THSD4: variants seen among roughly 807,000 people sequenced by gnomAD.
The protein encoded by THSD4 is thrombospondin type-1 domain-containing protein 4.
Under a neutral mutation model 119.0 loss-of-function variants are expected in THSD4, and 69 were observed. The observed-to-expected ratio is 0.58, with a 90% CI of 0.48 to 0.71. THSD4 has a LOEUF of 0.71. Ranked by LOEUF, THSD4 falls within the 30% of genes least tolerant of loss-of-function variation. The pLI, the probability that THSD4 is intolerant of heterozygous loss-of-function variation, is 0.00. For synonymous variants in THSD4, 524 were observed against 540.4 expected, an observed-to-expected ratio of 0.97 and a Z score of 0.42; for missense variants, 1,393 against 1,391.1, an observed-to-expected ratio of 1.00 and a Z score of -0.02.
At chr15:71,267,405 C>G (rs1261915443) in intron 6 of THSD4, among the ~76,000 whole-genome samples, 1 of 151,386 alleles carries the variant, frequency 6.6e-6, no homozygotes, top group Non-Finnish European at 1.5e-5. Context: ...TACAGACAAG[C>G]AAATGCTGAG....
At chr15:71,709,756 C>T (rs2052470976) in intron 8 of THSD4, among the ~76,000 whole-genome samples, 1 of 152,182 alleles carries the variant, frequency 6.6e-6, no homozygotes, top group South Asian at 2.1e-4. Flanking sequence ...GGTTCCCAAA[C>T]TTTGCTACAA....
chr15:71,225,461 T>C (rs558819088), intron 4 of THSD4, among the ~76,000 whole-genome samples: 150 of 152,174 alleles, frequency 9.9e-4, no homozygotes, highest in African/African-American at 3.4e-3. Flanking sequence ...TAAATGTTCC[T>C]GTCATCTTTT....
intron 7 of THSD4, among the ~76,000 whole-genome samples, chr15:71,451,371 C>T (rs1303711590): frequency 2.0e-5 from 3 of 152,202 alleles, no homozygotes; most frequent in Non-Finnish European, 4.4e-5. Flanking sequence ...AGCTCCACTC[C>T]TGTGATCCCA....
chr15:71,556,760 G>A (rs1299787573), intron 7 of THSD4, among the ~76,000 whole-genome samples: 1 of 107,600 alleles, frequency 9.3e-6, no homozygotes, highest in African/African-American at 2.8e-5. Context: ...GTAAGACCCT[G>A]TCTTAAAAAA....
At chr15:71,547,547 C>T in intron 7 of THSD4, 1 of 1,524,596 alleles carries the variant, frequency 6.6e-7, no homozygotes, top group Non-Finnish European at 8.8e-7. Context: ...CCTCTTCTAT[C>T]TACCAAGAGG....
chr15:71,302,157 T>C (rs1475856574), intron 6 of THSD4, among the ~76,000 whole-genome samples: 1 of 152,206 alleles, frequency 6.6e-6, no homozygotes, highest in Non-Finnish European at 1.5e-5. Context: ...GTGAGTCTCC[T>C]TTCCCTGGCA....
chr15:71,601,402 T>C (rs868056473), intron 7 of THSD4, among the ~76,000 whole-genome samples: 7 of 152,190 alleles, frequency 4.6e-5, no homozygotes, highest in African/African-American at 1.4e-4. Context: ...GGTTGCTCCC[T>C]TATGGCCTCC....
At position 71,423,392 on chromosome 15, in the gene THSD4, CTCTT is replaced by C. The variant is rs141352375; in HGVS notation, c.1152+11571_1152+11574del. ...CTGCTGATTATTCAGGGCCCAAAGG[CTCTT>C]TAGTCAGCAGGTGATGAATCCTGCC... On this transcript the variant is annotated intron_variant, in intron 7 of 17. Coordinates refer to ENST00000261862, the MANE Select transcript of THSD4 (RefSeq NM_024817.3). Among the ~76,000 whole-genome samples the C allele has an allele frequency of 2.7e-3, 418 of 152,118 alleles. 2 individuals are homozygous for C. Among genetic ancestry groups the C allele is most frequent in the Non-Finnish European group, 5.2e-3 (354 of 67,986 alleles).
intron 3 of THSD4, among the ~76,000 whole-genome samples, chr15:71,192,752 T>C (rs1300762651): frequency 6.6e-6 from 1 of 152,108 alleles, no homozygotes; most frequent in Non-Finnish European, 1.5e-5. Context: ...AGTTGACTTA[T>C]TTTGACTTCA....
chr15:71,190,830 G>A (rs1184978686), intron 3 of THSD4, among the ~76,000 whole-genome samples: 4 of 152,252 alleles, frequency 2.6e-5, no homozygotes, highest in African/African-American at 9.6e-5. Context: ...TTGGAATGCA[G>A]AAGGTCCCAT....
intron 7 of THSD4, among the ~76,000 whole-genome samples, chr15:71,596,666 A>G (rs2049912485): frequency 6.6e-6 from 1 of 152,208 alleles, no homozygotes; most frequent in African/African-American, 2.4e-5. Flanking sequence ...CCTAAAGACA[A>G]AAATCTTTAG....
chr15:71,724,287 A>G (rs76981974), intron 8 of THSD4, among the ~76,000 whole-genome samples: 2 of 37,292 alleles, frequency 5.4e-5, no homozygotes, highest in African/African-American at 1.3e-4. Context: ...ATATATATAT[A>G]TTTTTTTTTT....
chr15:71,725,631 C>T lies in THSD4; in HGVS notation c.1358-2918C>T, dbSNP rs79588356. Among the ~76,000 whole-genome samples the T allele has an allele frequency of 4.4e-4, 67 of 151,944 alleles. No homozygotes were observed. In the East Asian group the frequency reaches 0.012, roughly 27 times the overall value. ...AGGATGGAATAGTGCCAAGTGCTGCCGAGACATCTGAAAAGAGGAGGCCTG... is the reference window on the plus strand; with the variant it reads ...AGGATGGAATAGTGCCAAGTGCTGCTGAGACATCTGAAAAGAGGAGGCCTG... On this transcript the variant is annotated intron_variant, in intron 8 of 17. Coordinates refer to ENST00000261862, the MANE Select transcript of THSD4 (RefSeq NM_024817.3).
At chr15:71,747,154 C>A in intron 13 of THSD4, 112 bp downstream of exon 13, 1 of 1,266,892 alleles carries the variant, frequency 7.9e-7, no homozygotes, top group Non-Finnish European at 1.1e-6. Flanking sequence ...CAGGAGGGAA[C>A]CCGTCCCGTG....
At chr15:71,297,720 C>T (rs1460630548) in intron 6 of THSD4, among the ~76,000 whole-genome samples, 1 of 152,136 alleles carries the variant, frequency 6.6e-6, no homozygotes, top group Non-Finnish European at 1.5e-5. Flanking sequence ...GCAATCCTTC[C>T]ACCTCAGCCT....
At chr15:71,387,837 C>G (rs143788784) in intron 6 of THSD4, among the ~76,000 whole-genome samples, 5 of 152,032 alleles carry the variant, frequency 3.3e-5, no homozygotes, top group African/African-American at 1.2e-4. Context: ...TTTTCTCAGC[C>G]CAGAACCCCT....
At chr15:71,204,782 T>C (rs566720133) in intron 3 of THSD4, among the ~76,000 whole-genome samples, 17 of 152,206 alleles carry the variant, frequency 1.1e-4, no homozygotes, top group Non-Finnish European at 2.4e-4. Context: ...TGGAATCTGC[T>C]TAGCTTACGT....
chr15:71,656,479 G>A (rs1443411526), intron 7 of THSD4, among the ~76,000 whole-genome samples: 1 of 152,208 alleles, frequency 6.6e-6, no homozygotes, highest in Non-Finnish European at 1.5e-5. Context: ...CAGTGTAAGA[G>A]AGATACATAA....
rs533128361 is a variant in THSD4 at position 71,561,089 on chromosome 15, C to T, written c.1153-99441C>T. 1.3e-4 allele frequency among the ~76,000 whole-genome samples: 20 copies of T among 151,822 alleles called. 1 individual carries two copies. In the South Asian group the frequency reaches 4.0e-3, roughly 30 times the overall value. On this transcript the variant is annotated intron_variant, in intron 7 of 17. Coordinates refer to ENST00000261862, the MANE Select transcript of THSD4 (RefSeq NM_024817.3). ...TCCCGGGTTCACGCCATTCTCCTGC[C>T]TCAGCCTCCCGAGTAGCTGGGACTA...
Sources: gnomAD v4.1 joint callset for allele counts (sites outside exome capture counted in the v4.1 genomes callset) on GRCh38, gnomAD v4.1.1 for gene constraint, MANE v1.5 for transcripts, NCBI Gene and HGNC (gene_info 2026-07-23, HGNC 2026-07-21) for gene names.